KCNIP4: variants seen among roughly 807,000 people sequenced by gnomAD.
The protein encoded by KCNIP4 is Kv channel-interacting protein 4.
In KCNIP4, 12 loss-of-function variants were observed where a neutral mutation model predicts 34.0. That is an observed-to-expected ratio of 0.35 (90% CI 0.23 to 0.57). KCNIP4 has a LOEUF of 0.57. Among genes scored for constraint, KCNIP4 ranks in the 20% least tolerant of loss-of-function variants. The probability of loss-of-function intolerance (pLI) is 0.83; values close to 1 mark genes in which losing one functional copy is unlikely to be tolerated. For missense variants in KCNIP4, 238 were observed against 311.7 expected (o/e 0.76, Z 1.78); for synonymous variants, 124 against 102.2 (o/e 1.21, Z -1.29).
At chr4:20,939,880 C>G (rs1240181484) in intron 1 of KCNIP4, among the ~76,000 whole-genome samples, 2 of 152,178 alleles carry the variant, frequency 1.3e-5, no homozygotes, top group African/African-American at 2.4e-5. Context: ...GACCAGTATC[C>G]TGGTCCAAGC....
intron 1 of KCNIP4, among the ~76,000 whole-genome samples, chr4:21,424,760 G>C (rs1454578785): frequency 1.3e-5 from 2 of 152,074 alleles, no homozygotes; most frequent in African/African-American, 4.8e-5. Context: ...TGGAACTTTA[G>C]AAAATCACAG....
In KCNIP4 at chr4:21,303,996, G is replaced by C. The variant is rs546849686; in HGVS notation, c.62-421287C>G. ...AAAGCCATTAAACTACATTAAGAAG[G>C]CTACTGCTGGAGAAAGGGGAGGAGG... is the stretch of plus-strand genomic sequence containing the variant. On this transcript the variant is annotated intron_variant, in intron 1 of 8. Coordinates refer to ENST00000382152, the MANE Select transcript of KCNIP4 (RefSeq NM_025221.6). The C allele has an allele frequency of 1.2e-4, 155 of 1,344,732 alleles. No individual in the cohort carries two copies. In the African/African-American group the frequency reaches 2.2e-3, roughly 19 times the overall value. The allele number at this position is 1,344,732 out of a possible 1,614,324, so 83.3% of individuals were successfully genotyped here. A position where few individuals can be genotyped will look rare whatever the true frequency, so the allele number is the denominator to read the frequency against.
chr4:21,176,330 T>A (rs988563308), intron 1 of KCNIP4, among the ~76,000 whole-genome samples: 4 of 152,200 alleles, frequency 2.6e-5, no homozygotes, highest in Non-Finnish European at 5.9e-5. Context: ...CAAGCCTTGA[T>A]GGACTAGGGA....
At chr4:20,755,805 G>C (rs1233619252) in intron 4 of KCNIP4, among the ~76,000 whole-genome samples, 1 of 152,106 alleles carries the variant, frequency 6.6e-6, no homozygotes, top group East Asian at 1.9e-4. Flanking sequence ...CAGGCAGAGG[G>C]AACAGCAGGT....
chr4:21,219,759 A>G (rs939713631), intron 1 of KCNIP4, among the ~76,000 whole-genome samples: 8 of 152,320 alleles, frequency 5.3e-5, no homozygotes, highest in Non-Finnish European at 1.0e-4. Flanking sequence ...AATGCTTCAT[A>G]CTTTGAAACA....
chr4:21,405,553 A>T (rs1723912042), intron 1 of KCNIP4, among the ~76,000 whole-genome samples: 1 of 152,184 alleles, frequency 6.6e-6, no homozygotes, highest in Admixed American at 6.5e-5. Context: ...CACAGAAGTG[A>T]CTATGTGCCA....
At chr4:21,713,111 T>C (rs1021421633) in intron 1 of KCNIP4, among the ~76,000 whole-genome samples, 9 of 152,240 alleles carry the variant, frequency 5.9e-5, no homozygotes, top group African/African-American at 1.9e-4. Flanking sequence ...TAGGCCTCAA[T>C]TTCCTCATGG....
At chr4:20,778,580 G>A (rs1274629269) in intron 3 of KCNIP4, among the ~76,000 whole-genome samples, 1 of 152,090 alleles carries the variant, frequency 6.6e-6, no homozygotes, top group Non-Finnish European at 1.5e-5. Flanking sequence ...GATACTACTG[G>A]GGGAAATGGT....
At chr4:21,362,301 A>G (rs926922161) in intron 1 of KCNIP4, among the ~76,000 whole-genome samples, 1 of 152,180 alleles carries the variant, frequency 6.6e-6, no homozygotes, top group Non-Finnish European at 1.5e-5. Context: ...CTGGCTCCAC[A>G]TGGAGACAGA....
chr4:21,465,741 G>A (rs1261117668), intron 1 of KCNIP4, among the ~76,000 whole-genome samples: 3 of 151,822 alleles, frequency 2.0e-5, no homozygotes, highest in Non-Finnish European at 2.9e-5. Context: ...TTAAGATAAG[G>A]TACCTGACAC....
chr4:21,872,794 C>T (rs1560778446), intron 1 of KCNIP4, among the ~76,000 whole-genome samples: 1 of 152,094 alleles, frequency 6.6e-6, no homozygotes, highest in African/African-American at 2.4e-5. Context: ...TTAAAATTGT[C>T]CTGAGGTTGT....
At chr4:21,579,365 C>T (rs1220194996) in intron 1 of KCNIP4, among the ~76,000 whole-genome samples, 2 of 152,080 alleles carry the variant, frequency 1.3e-5, no homozygotes, top group Admixed American at 1.3e-4. Context: ...TTCTTTCATC[C>T]CAGAAGAATA....
At chr4:21,025,557 T>TTG (rs1740475590) in intron 1 of KCNIP4, among the ~76,000 whole-genome samples, 3 of 118,662 alleles carry the variant, frequency 2.5e-5, no homozygotes, top group Admixed American at 8.5e-5. Flanking sequence ...TTTTTTTTTT[T>TTG]TTTTTTTTTT....
At chr4:21,126,570 A>G (rs1422114972) in intron 1 of KCNIP4, among the ~76,000 whole-genome samples, 1 of 151,048 alleles carries the variant, frequency 6.6e-6, no homozygotes, top group Non-Finnish European at 1.5e-5. Flanking sequence ...CAACTTTTTG[A>G]CAATGAATAT....
intron 1 of KCNIP4, among the ~76,000 whole-genome samples, chr4:20,889,531 G>C (rs1725681650): frequency 6.6e-6 from 1 of 152,062 alleles, no homozygotes; most frequent in Non-Finnish European, 1.5e-5. Context: ...CTGGAGGGCG[G>C]GGAGGGTGTC....
At chr4:21,057,134 T>C (rs1302551351) in intron 1 of KCNIP4, among the ~76,000 whole-genome samples, 1 of 152,054 alleles carries the variant, frequency 6.6e-6, no homozygotes, top group African/African-American at 2.4e-5. Context: ...AATGTAGGAG[T>C]ATCTATGTGG....
chr4:20,978,253 T>A (rs187030281), intron 1 of KCNIP4, among the ~76,000 whole-genome samples: 52 of 152,104 alleles, frequency 3.4e-4, no homozygotes, highest in African/African-American at 1.0e-3. Context: ...ACAGAAAAAA[T>A]ATATATATAA....
At chr4:21,577,802 A>C (rs1460972257) in intron 1 of KCNIP4, among the ~76,000 whole-genome samples, 1 of 152,062 alleles carries the variant, frequency 6.6e-6, no homozygotes, top group African/African-American at 2.4e-5. Flanking sequence ...TCCAGAAGAT[A>C]CCTTTCATTC....
At chr4:20,791,299 A>G (rs577444379) in intron 3 of KCNIP4, among the ~76,000 whole-genome samples, 19 of 152,280 alleles carry the variant, frequency 1.2e-4, no homozygotes, top group African/African-American at 4.3e-4. Flanking sequence ...TGTTGAAAAA[A>G]GTCATTCAAG....
Sources: allele counts gnomAD v4.1 joint callset (sites outside exome capture counted in the v4.1 genomes callset), GRCh38; gene constraint gnomAD v4.1.1; transcripts MANE v1.5; gene names NCBI Gene and HGNC (gene_info 2026-07-23, HGNC 2026-07-21).